The following PTPRT variants were observed in gnomAD, a reference collection of about 807,000 sequenced individuals.
PTPRT encodes receptor-type tyrosine-protein phosphatase T.
A neutral mutation model predicts 176.8 loss-of-function variants in PTPRT; 56 were observed. That is an observed-to-expected ratio of 0.32 (90% CI 0.26 to 0.40). The LOEUF is 0.40. Among genes scored for constraint, PTPRT ranks in the 10% least tolerant of loss-of-function variants. PTPRT has a pLI of 1.00. For synonymous variants in PTPRT, 783 were observed against 739.0 expected (o/e 1.06, Z -0.96); for missense variants, 1,540 against 1,908.2 (o/e 0.81, Z 3.60).
At chr20:42,820,387 C>A (rs1038815208) in intron 2 of PTPRT, among the ~76,000 whole-genome samples, 1 of 152,138 alleles carries the variant, frequency 6.6e-6, no homozygotes, top group Admixed American at 6.5e-5. Flanking sequence ...AAGGAGACAG[C>A]ATGCCAGAAT....
intron 7 of PTPRT, among the ~76,000 whole-genome samples, chr20:42,528,108 T>G (rs1207162278): frequency 6.6e-6 from 1 of 152,152 alleles, no homozygotes; most frequent in Non-Finnish European, 1.5e-5. Flanking sequence ...CAAACTGGCC[T>G]TCTTATTGTT....
intron 2 of PTPRT, among the ~76,000 whole-genome samples, chr20:42,841,635 AC>A (rs1650109366): frequency 6.6e-6 from 1 of 151,556 alleles, no homozygotes; most frequent in Admixed American, 6.6e-5. Flanking sequence ...ACACACACAC[AC>A]ACACACACAC....
At chr20:42,570,938 T>C (rs994168110) in intron 7 of PTPRT, among the ~76,000 whole-genome samples, 2 of 149,292 alleles carry the variant, frequency 1.3e-5, no homozygotes. Flanking sequence ...AACACGGACA[T>C]AGACATTTTT....
chr20:42,723,195 G>A (rs1025832912), intron 6 of PTPRT, among the ~76,000 whole-genome samples: 1 of 152,190 alleles, frequency 6.6e-6, no homozygotes, highest in African/African-American at 2.4e-5. Flanking sequence ...GTGCTGTCTT[G>A]TCACGATTTT....
chr20:43,183,535 C>T (rs1169418938), intron 1 of PTPRT, among the ~76,000 whole-genome samples: 2 of 152,202 alleles, frequency 1.3e-5, no homozygotes, highest in African/African-American at 2.4e-5. Context: ...AGCTTTAGTC[C>T]ATAAAATTTC....
intron 1 of PTPRT, among the ~76,000 whole-genome samples, chr20:43,011,199 G>T (rs1471161485): frequency 6.6e-6 from 1 of 151,968 alleles, no homozygotes; most frequent in Non-Finnish European, 1.5e-5. Flanking sequence ...TAAGCATTAG[G>T]CAGGCTACAG....
chr20:42,408,507 T>G (rs1353364171), intron 9 of PTPRT, among the ~76,000 whole-genome samples: 2 of 151,990 alleles, frequency 1.3e-5, no homozygotes, highest in Non-Finnish European at 2.9e-5. Context: ...AATTAGGGCA[T>G]GCAGTCAGGG....
At chr20:42,929,326 G>GT (rs1267361656) in intron 1 of PTPRT, among the ~76,000 whole-genome samples, 1 of 152,250 alleles carries the variant, frequency 6.6e-6, no homozygotes, top group African/African-American at 2.4e-5. Context: ...AGAGCCCGAA[G>GT]TGTGGAGACA....
intron 1 of PTPRT, among the ~76,000 whole-genome samples, chr20:42,953,747 C>T (rs1981421532): frequency 6.6e-6 from 1 of 152,170 alleles, no homozygotes; most frequent in African/African-American, 2.4e-5. Flanking sequence ...CAGAGAGGAC[C>T]TCAGATGACT....
chr20:42,567,482 C>A (rs1380823270), intron 7 of PTPRT, among the ~76,000 whole-genome samples: 3 of 152,112 alleles, frequency 2.0e-5, no homozygotes, highest in Non-Finnish European at 4.4e-5. Flanking sequence ...CTGTGATTAC[C>A]AGGGGGTGAG....
intron 11 of PTPRT, among the ~76,000 whole-genome samples, chr20:42,316,322 G>T (rs931975009): frequency 6.6e-6 from 1 of 152,086 alleles, no homozygotes; most frequent in Non-Finnish European, 1.5e-5. Flanking sequence ...TGAATCTAGG[G>T]CTCATCCTCA....
chr20:43,016,324 C>T (rs1378102778), intron 1 of PTPRT, among the ~76,000 whole-genome samples: 1 of 152,186 alleles, frequency 6.6e-6, no homozygotes, highest in African/African-American at 2.4e-5. Context: ...TGGCTTATAA[C>T]AGATTCTCAC....
intron 22 of PTPRT, among the ~76,000 whole-genome samples, chr20:42,111,651 A>AACTT (rs200501022): frequency 0.022 from 3,404 of 152,326 alleles, 124 homozygotes; most frequent in African/African-American, 0.078. Flanking sequence ...TCAACATGCT[A>AACTT]ACTTACTTAA....
chr20:43,168,235 C>T (rs2014906912), intron 1 of PTPRT, among the ~76,000 whole-genome samples: 1 of 152,200 alleles, frequency 6.6e-6, no homozygotes, highest in African/African-American at 2.4e-5. Flanking sequence ...CCCTTTCTTC[C>T]AGCAAAGGGA....
At chr20:42,697,835 T>A (rs2075906360) in intron 6 of PTPRT, among the ~76,000 whole-genome samples, 1 of 152,250 alleles carries the variant, frequency 6.6e-6, no homozygotes, top group African/African-American at 2.4e-5. Flanking sequence ...TTGCCATCAT[T>A]CTTCATTGAG....
intron 17 of PTPRT, among the ~76,000 whole-genome samples, chr20:42,150,370 G>A (rs1480542490): frequency 6.6e-6 from 1 of 152,154 alleles, no homozygotes; most frequent in East Asian, 1.9e-4. Flanking sequence ...GCCCTAGGGT[G>A]CAGCAAAACC....
intron 23 of PTPRT, among the ~76,000 whole-genome samples, 200 bp downstream of exon 23, chr20:42,110,133 C>T (rs562520045): frequency 2.6e-5 from 4 of 151,928 alleles, no homozygotes; most frequent in South Asian, 2.1e-4. Flanking sequence ...TGCAACCTCC[C>T]GCTCCTGGGT....
At chr20:42,671,301 G>A (rs2075408907) in intron 7 of PTPRT, among the ~76,000 whole-genome samples, 1 of 152,204 alleles carries the variant, frequency 6.6e-6, no homozygotes, top group African/African-American at 2.4e-5. Flanking sequence ...GAGGATAATA[G>A]TCACCACCCG....
intron 1 of PTPRT, among the ~76,000 whole-genome samples, chr20:42,965,506 A>T (rs1029095071): frequency 3.9e-5 from 6 of 152,196 alleles, no homozygotes; most frequent in African/African-American, 1.4e-4. Flanking sequence ...GGTTTCTATA[A>T]CTTAAGTTTA....
Sources: gnomAD v4.1 joint callset for allele counts (sites outside exome capture counted in the v4.1 genomes callset) on GRCh38, gnomAD v4.1.1 for gene constraint, MANE v1.5 for transcripts, NCBI Gene and HGNC (gene_info 2026-07-23, HGNC 2026-07-21) for gene names.